Variants in KNDC1 observed in about 807,000 individuals in gnomAD.
The protein encoded by KNDC1 is kinase non-catalytic C-lobe domain containing 1.
Under a neutral mutation model 172.8 loss-of-function variants are expected in KNDC1, and 106 were observed. That is an observed-to-expected ratio of 0.61 (90% confidence interval 0.52 to 0.72). The LOEUF is 0.72. Among genes scored for constraint, KNDC1 ranks in the 30% least tolerant of loss-of-function variants. The probability of loss-of-function intolerance (pLI) is 0.00; values close to 1 mark genes in which losing one functional copy is unlikely to be tolerated. For missense variants in KNDC1, 2,325 were observed against 2,394.5 expected, an observed-to-expected ratio of 0.97 and a Z score of 0.61; for synonymous variants, 1,083 against 1,062.2, an observed-to-expected ratio of 1.02 and a Z score of -0.38.
intron 1 of KNDC1, among the ~76,000 whole-genome samples, chr10:133,161,923 G>A (rs1247979623): frequency 6.6e-6 from 1 of 152,170 alleles, no homozygotes; most frequent in Non-Finnish European, 1.5e-5. Flanking sequence ...AACACGCCGC[G>A]CCAGGCGCGA....
intron 3 of KNDC1, among the ~76,000 whole-genome samples, chr10:133,176,624 T>G (rs1334778915): frequency 6.6e-6 from 1 of 152,174 alleles, no homozygotes; most frequent in Non-Finnish European, 1.5e-5. Flanking sequence ...TGTCCTCTCT[T>G]GTCTTCTCAC....
intron 2 of KNDC1, among the ~76,000 whole-genome samples, 172 bp downstream of exon 2, chr10:133,167,751 A>C (rs889448794): frequency 6.6e-6 from 1 of 151,852 alleles, no homozygotes; most frequent in Non-Finnish European, 1.5e-5. Flanking sequence ...AGAGTGGCCG[A>C]GGGTCCGTGG....
At chr10:133,165,150 A>G (rs3008299) in intron 1 of KNDC1, among the ~76,000 whole-genome samples, 99,483 of 152,064 alleles carry the variant, frequency 0.65, 32,683 homozygotes, top group Admixed American at 0.74. Flanking sequence ...AGACCATCCT[A>G]TCCCTGAGGG....
chr10:133,199,488 C>T lies in KNDC1; in HGVS notation c.2789C>T (p.Thr930Ile), dbSNP rs1854301426. Residue 930 changes from threonine to isoleucine, a missense_variant, in exon 15 of 30, where the codon ACC (threonine) becomes ATC (isoleucine). Transcript: ENST00000304613. ...TACATCTTCGCCTTGAAAGATCTCA[C>T]CTTTGCCACTTTCTGTGGCGCCATT... ...GEYIFALKDL[T>I]FATFCGAISE... 2 of 1,613,794 alleles carry T rather than the reference C, an allele frequency of 1.2e-6. No homozygotes were observed. The highest frequency in any genetic ancestry group is 1.3e-5 in the African/African-American group (1 of 74,958).
chr10:133,213,795 G>A, intron 25 of KNDC1, 68 bp downstream of exon 25: 1 of 1,504,870 alleles, frequency 6.6e-7, no homozygotes, highest in African/African-American at 1.4e-5. Context: ...TAAGAGTCTT[G>A]TGGACGCTCC....
intron 3 of KNDC1, among the ~76,000 whole-genome samples, chr10:133,181,963 C>T (rs1000982093): frequency 2.6e-5 from 4 of 152,168 alleles, no homozygotes; most frequent in African/African-American, 9.7e-5. Flanking sequence ...CACTTTCTGT[C>T]TTGTTCAAAT....
At chr10:133,189,894 C>A (rs562657207) in intron 9 of KNDC1, 81 bp downstream of exon 9, 6 of 1,186,306 alleles carry the variant, frequency 5.1e-6, no homozygotes, top group East Asian at 4.9e-5. Context: ...CCAGCAGCCC[C>A]CCATCAGGAC....
At chr10:133,187,383 C>T (rs1421743849) in intron 6 of KNDC1, among the ~76,000 whole-genome samples, 1 of 152,244 alleles carries the variant, frequency 6.6e-6, no homozygotes, top group Non-Finnish European at 1.5e-5. Context: ...GTGCATTTTG[C>T]CCTCCTTGGC....
Position 133,198,957 on chromosome 10 carries a change from GGGCCCACCAC to G in KNDC1, c.2467_2476del (p.His823AlafsTer92), listed in dbSNP as rs745847217. The G allele has an allele frequency of 5.2e-5, 80 of 1,549,306 alleles. No homozygotes were observed. The highest frequency in any genetic ancestry group is 5.4e-5 in the Non-Finnish European group (62 of 1,152,430). On this transcript the variant is annotated frameshift_variant, in exon 14 of 30. Coordinates refer to ENST00000304613, the MANE Select transcript of KNDC1 (RefSeq NM_152643.8). LOFTEE classifies it high-confidence loss of function. ...CGGGGGCCTCAGGCCCGACGCCCTGGGGCCCACCACGGCCCACCACGGCCCACGCCACCCG... is the reference window on the plus strand; with the variant it reads ...CGGGGGCCTCAGGCCCGACGCCCTGGGGCCCACCACGGCCCACGCCACCCG...
At chr10:133,183,814 G>C in intron 4 of KNDC1, 58 bp from the exon 5 acceptor site, 1 of 1,345,598 alleles carries the variant, frequency 7.4e-7, no homozygotes, top group South Asian at 1.4e-5. Flanking sequence ...TCGGGTGGGT[G>C]GCTGCGGGAG....
chr10:133,172,506 G>A (rs1210873631), intron 3 of KNDC1, among the ~76,000 whole-genome samples: 1 of 152,164 alleles, frequency 6.6e-6, no homozygotes, highest in Non-Finnish European at 1.5e-5. Context: ...GAGTGGACTG[G>A]CGATTTCCCA....
chr10:133,221,254 G>C (rs992557434), intron 29 of KNDC1, among the ~76,000 whole-genome samples: 1 of 152,080 alleles, frequency 6.6e-6, no homozygotes, highest in Admixed American at 6.5e-5. Flanking sequence ...TCCTCAGCCT[G>C]TTCCTGTGGT....
chr10:133,225,041 G>A lies in KNDC1; in HGVS notation c.*151G>A. 1 of 648,774 alleles carries A rather than the reference G, an allele frequency of 1.5e-6. No homozygotes were observed. The highest frequency in any genetic ancestry group is 2.7e-6 in the Non-Finnish European group (1 of 364,260). 40.2% of individuals were successfully genotyped at this position (648,774 alleles called of 1,614,324 possible). ...TGGACCAGGAGGTGGAGGCTCAGGG[G>A]ACCCCATGGGGACAGGCAGAGCTGG... is the stretch of plus-strand genomic sequence containing the variant. On this transcript the variant is annotated 3_prime_UTR_variant, in exon 30 of 30. Coordinates refer to ENST00000304613, the MANE Select transcript of KNDC1 (RefSeq NM_152643.8).
chr10:133,167,611 G>A (rs369036109), intron 2 of KNDC1, 32 bp downstream of exon 2: 366 of 1,546,170 alleles, frequency 2.4e-4, no homozygotes, highest in Non-Finnish European at 2.9e-4. Context: ...CGGCGGCGGC[G>A]GGCACGCGGG....
chr10:133,196,997 C>T (rs1854209544), intron 10 of KNDC1, 61 bp from the exon 11 acceptor site: 10 of 1,363,056 alleles, frequency 7.3e-6, no homozygotes, highest in South Asian at 7.0e-5. Context: ...CCCAGTGACA[C>T]GGGGACGGTG....
In KNDC1 at chr10:133,224,478, G is replaced by T. The variant is rs192822273; in HGVS notation, c.5019-181G>T. Among the ~76,000 whole-genome samples the T allele has an allele frequency of 6.6e-6, 1 of 152,110 alleles. No individual in the cohort carries two copies. The highest frequency in any genetic ancestry group is 1.5e-5 in the Non-Finnish European group (1 of 68,020). ...TGGATGGATGGACAGTCAGACAGACGGAAAGGTCTGAGTAGTGACCTTTCC... is the reference window on the plus strand; with the variant it reads ...TGGATGGATGGACAGTCAGACAGACTGAAAGGTCTGAGTAGTGACCTTTCC... On this transcript the variant is annotated intron_variant, in intron 29 of 29. Transcript: ENST00000304613. The surrounding 1 kb of genome is among the most constrained non-coding windows in gnomAD (Gnocchi z 5.4).
intron 5 of KNDC1, 147 bp downstream of exon 5, chr10:133,184,136 GC>G (rs1853811310): frequency 6.8e-6 from 3 of 442,492 alleles, no homozygotes; most frequent in Admixed American, 4.0e-5. Flanking sequence ...GCACACACAT[GC>G]CACACACACC....
At chr10:133,221,322 C>T (rs1845583987) in intron 29 of KNDC1, among the ~76,000 whole-genome samples, 2 of 152,148 alleles carry the variant, frequency 1.3e-5, no homozygotes, top group Non-Finnish European at 2.9e-5. Context: ...ACCTGGGAGG[C>T]GCAGACTGGG....
chr10:133,199,669 C>G (rs1384241020), intron 15 of KNDC1, 67 bp downstream of exon 15: 2 of 1,555,670 alleles, frequency 1.3e-6, no homozygotes, highest in Admixed American at 1.8e-5. Flanking sequence ...GGCTCTGCTG[C>G]CTGACCCGGG....
Sources: allele counts gnomAD v4.1 joint callset (sites outside exome capture counted in the v4.1 genomes callset), GRCh38; gene constraint gnomAD v4.1.1; non-coding constraint Gnocchi (gnomAD v3.1); transcripts MANE v1.5; gene names NCBI Gene and HGNC (gene_info 2026-07-23, HGNC 2026-07-21).